Variants in CENPN observed in about 807,000 individuals in gnomAD.
The protein encoded by CENPN is interphase centromere complex protein 32.
In CENPN, 36 loss-of-function variants were observed where a neutral mutation model predicts 48.6. That is an observed-to-expected ratio of 0.74 (90% CI 0.57 to 0.98). The LOEUF (loss-of-function observed/expected upper bound fraction) is 0.98. Ranked by LOEUF, CENPN falls within the 50% of genes least tolerant of loss-of-function variation. The probability of loss-of-function intolerance (pLI) is 0.00; values close to 1 mark genes in which losing one functional copy is unlikely to be tolerated. For synonymous variants in CENPN, 166 were observed against 135.2 expected, an observed-to-expected ratio of 1.23 and a Z score of -1.58; for missense variants, 439 against 399.2, an observed-to-expected ratio of 1.10 and a Z score of -0.85.
chr16:81,018,669 T>C (rs1250231691), intron 5 of CENPN, among the ~76,000 whole-genome samples: 1 of 152,200 alleles, frequency 6.6e-6, no homozygotes, highest in Non-Finnish European at 1.5e-5. Context: ...CCACTGAGCA[T>C]GTGACTGGGT....
intron 3 of CENPN, 141 bp from the exon 4 acceptor site, chr16:81,017,185 T>G: frequency 1.7e-6 from 1 of 605,296 alleles, no homozygotes; most frequent in Non-Finnish European, 2.9e-6. Context: ...ATATAAAGTT[T>G]ATATTTTGAA....
intron 9 of CENPN, 134 bp downstream of exon 9, chr16:81,026,772 G>C (rs1334989350): frequency 8.7e-6 from 4 of 460,824 alleles, no homozygotes; most frequent in African/African-American, 8.0e-5. Flanking sequence ...ATAAATTTAT[G>C]AATTAAATAG....
rs1401895607 is a variant in CENPN at position 81,014,070 on chromosome 16, G to A, written c.172-66G>A. On this transcript the variant is annotated intron_variant, in intron 2 of 10. Transcript: ENST00000305850. ...AGTCTGTTCTAACCAATCCTAAAATGTGTTTTAAACGGGATAGAACCAAAC... is the reference window on the plus strand; with the variant it reads ...AGTCTGTTCTAACCAATCCTAAAATATGTTTTAAACGGGATAGAACCAAAC... The A allele has an allele frequency of 3.8e-6, 5 of 1,313,232 alleles. No individual in the cohort carries two copies. In the African/African-American group the frequency reaches 4.3e-5, roughly 11 times the overall value. The allele number at this position is 1,313,232 out of a possible 1,614,324, so 81.3% of individuals were successfully genotyped here.
chr16:81,007,876 G>A (rs1307834357), intron 1 of CENPN, among the ~76,000 whole-genome samples: 1 of 152,126 alleles, frequency 6.6e-6, no homozygotes, highest in Non-Finnish European at 1.5e-5. Flanking sequence ...GGAGACCGAC[G>A]TGGGCGGATC....
chr16:81,033,099 A>G (rs1821381956), downstream of CENPN: 1 of 155,310 alleles, frequency 6.4e-6, no homozygotes, highest in African/African-American at 2.4e-5. Flanking sequence ...AACTTGCAAA[A>G]CACAAAAACA....
intron 4 of CENPN, 111 bp from the exon 5 acceptor site, chr16:81,017,644 CATT>C (rs1474292376): frequency 1.3e-6 from 1 of 785,246 alleles, no homozygotes; most frequent in Non-Finnish European, 2.1e-6. Context: ...GTGATTTGAT[CATT>C]ATTACTCTGG....
intron 3 of CENPN, among the ~76,000 whole-genome samples, chr16:81,016,003 C>CA (rs34585116): frequency 0.25 from 34,557 of 140,722 alleles, 4,216 homozygotes; most frequent in East Asian, 0.42. Flanking sequence ...GACTCTGTCT[C>CA]AAAAAAAAAA....
At chr16:81,032,373 A>G (rs1390644366), downstream of CENPN, among the ~76,000 whole-genome samples, 1 of 152,184 alleles carries the variant, frequency 6.6e-6, no homozygotes, top group African/African-American at 2.4e-5. Context: ...ACTGCTCCTC[A>G]GAAGAATTAC....
intron 9 of CENPN, 32 bp from the exon 10 acceptor site, chr16:81,028,139 T>G (rs541770002): frequency 2.0e-6 from 3 of 1,478,784 alleles, no homozygotes; most frequent in Non-Finnish European, 9.4e-7. Context: ...ATACAATATG[T>G]TTAATAGTCA....
intron 7 of CENPN, chr16:81,023,062 C>A: frequency 1.9e-6 from 1 of 532,042 alleles, no homozygotes; most frequent in Non-Finnish European, 3.1e-6. Context: ...CTTTTTGTCC[C>A]ATCACTCAAG....
intron 8 of CENPN, among the ~76,000 whole-genome samples, chr16:81,026,197 A>G (rs12930678): frequency 1.2e-4 from 17 of 145,616 alleles, no homozygotes; most frequent in Admixed American, 9.9e-4. Flanking sequence ...ATATATATGT[A>G]TATATATGTG....
chr16:81,026,141 A>ATATATATATATG (rs1567555403), intron 8 of CENPN, among the ~76,000 whole-genome samples: 1 of 144,522 alleles, frequency 6.9e-6, no homozygotes, highest in African/African-American at 2.6e-5. Context: ...GTATATATAT[A>ATATATATATATG]TGTATATATA....
chr16:81,027,686 C>T (rs548006671), intron 9 of CENPN, among the ~76,000 whole-genome samples: 9 of 152,276 alleles, frequency 5.9e-5, no homozygotes, highest in East Asian at 1.9e-4. Context: ...TTGTTTGATA[C>T]ACCAGTTGCC....
chr16:81,028,695 G>A lies in CENPN; in HGVS notation c.*44G>A. 1 of 1,588,810 alleles carries A rather than the reference G, an allele frequency of 6.3e-7. No individual in the cohort carries two copies. Among genetic ancestry groups the A allele is most frequent in the Middle Eastern group, 1.7e-4 (1 of 5,908 alleles). The stretch of plus-strand genomic sequence containing the variant: ...AGCACAGCTCCTCCTTCTTGATATT[G>A]CACATGCACTTCAGTTCATGGCTAG... On this transcript the variant is annotated 3_prime_UTR_variant, in exon 11 of 11. Transcript: ENST00000305850.
chr16:81,028,391 C>T, intron 10 of CENPN, 94 bp downstream of exon 10: 1 of 1,515,970 alleles, frequency 6.6e-7, no homozygotes, highest in Non-Finnish European at 9.1e-7. Flanking sequence ...GCTCACCCAT[C>T]ACCCTAGTCT....
At position 81,029,213 on chromosome 16, in the gene CENPN, T is replaced by A; in HGVS notation, c.*562T>A. 1.1e-6 allele frequency: 1 copy of A among 929,100 alleles called. No homozygotes were observed. Among genetic ancestry groups the A allele is most frequent in the Non-Finnish European group, 1.3e-6 (1 of 778,628 alleles). The allele number at this position is 929,100 out of a possible 1,614,324, so 57.6% of individuals were successfully genotyped here. A position where few individuals can be genotyped will look rare whatever the true frequency, so the allele number is the denominator to read the frequency against. The stretch of plus-strand genomic sequence containing the variant: ...GAGTCAGTTATATAAAATAGTGTTC[T>A]TATTGTAAATATGATACTTCTCATA... On this transcript the variant is annotated 3_prime_UTR_variant, in exon 11 of 11. Transcript: ENST00000305850.
Position 81,020,462 on chromosome 16 carries a change from G to C in CENPN, c.531+186G>C, listed in dbSNP as rs535914759. 13 of 479,008 alleles carry C rather than the reference G, an allele frequency of 2.7e-5. No individual in the cohort carries two copies. In the East Asian group the frequency reaches 3.8e-4, roughly 14 times the overall value. The allele number at this position is 479,008 out of a possible 1,614,324, so 29.7% of individuals were successfully genotyped here. ...TGCTCGTGCCCACGAGTCCAAGGCT[G>C]CCGTGAGCTGCGATCACAAGACAAA... On this transcript the variant is annotated intron_variant, in intron 6 of 10. Coordinates refer to ENST00000305850, the MANE Select transcript of CENPN (RefSeq NM_001100624.3).
chr16:81,008,521 G>T (rs1157705220), intron 1 of CENPN, among the ~76,000 whole-genome samples: 2 of 152,104 alleles, frequency 1.3e-5, no homozygotes, highest in Non-Finnish European at 2.9e-5. Context: ...AGAGGTGTGC[G>T]TCACGACACC....
chr16:81,022,140 T>C (rs1970242552), intron 6 of CENPN, among the ~76,000 whole-genome samples: 1 of 152,220 alleles, frequency 6.6e-6, no homozygotes, highest in South Asian at 2.1e-4. Flanking sequence ...TCATAGTAAT[T>C]CTGTTTCAGT....
Sources: gnomAD v4.1 joint callset for allele counts (sites outside exome capture counted in the v4.1 genomes callset) on GRCh38, gnomAD v4.1.1 for gene constraint, MANE v1.5 for transcripts, NCBI Gene and HGNC (gene_info 2026-07-23, HGNC 2026-07-21) for gene names.